CCL20: variants seen among roughly 807,000 people sequenced by gnomAD.
The protein encoded by CCL20 is C-C motif chemokine 20.
CCL20 carries 8 observed loss-of-function variants against 10.8 expected under a neutral mutation model. That is an observed-to-expected ratio of 0.74 (90% CI 0.44 to 1.34). CCL20 has a LOEUF of 1.34. Ranked by LOEUF, CCL20 falls within the 40% of genes most tolerant of loss-of-function variation. CCL20 has a pLI of 0.01. For synonymous variants in CCL20, 40 were observed against 39.4 expected (o/e 1.02, Z -0.06); for missense variants, 107 against 117.9 (o/e 0.91, Z 0.43).
chr2:227,817,316 G>A lies in CCL20; in HGVS notation c.*233G>A. 3.1e-6 allele frequency: 1 copy of A among 321,216 alleles called. No homozygotes were observed. The highest frequency in any genetic ancestry group is 5.7e-6 in the Non-Finnish European group (1 of 175,150). The allele number at this position is 321,216 out of a possible 1,614,324, so 19.9% of individuals were successfully genotyped here. ...TGTTATTTATAGCTGTAGGTTTTCT[G>A]TGTTTAGCTATTTAATACTAATTTT... On this transcript the variant is annotated 3_prime_UTR_variant, in exon 4 of 4. Transcript: ENST00000358813.
Position 227,817,391 on chromosome 2 carries a change from G to A in CCL20, c.*308G>A, listed in dbSNP as rs1213900800. ...AAAGTATAAAATTATATTTGGGGGG[G>A]AATAAGATTATATGGACTTTCTTGC... is the stretch of plus-strand genomic sequence containing the variant. On this transcript the variant is annotated 3_prime_UTR_variant, in exon 4 of 4. Coordinates refer to ENST00000358813, the MANE Select transcript of CCL20 (RefSeq NM_004591.3). The A allele has an allele frequency of 1.0e-5, 2 of 198,682 alleles. No individual in the cohort carries two copies. Among genetic ancestry groups the A allele is most frequent in the Admixed American group, 6.0e-5 (1 of 16,670 alleles). 12.3% of individuals were successfully genotyped at this position (198,682 alleles called of 1,614,324 possible).
chr2:227,816,921 A>G (rs1690032774), intron 3 of CCL20, 141 bp from the exon 4 acceptor site: 1 of 675,574 alleles, frequency 1.5e-6, no homozygotes, highest in Non-Finnish European at 2.7e-6. Flanking sequence ...CTAAACCTCA[A>G]TTTCCTCATC....
chr2:227,815,664 T>G (rs988092139), intron 2 of CCL20, 96 bp downstream of exon 2: 2 of 674,930 alleles, frequency 3.0e-6, no homozygotes, highest in Non-Finnish European at 2.6e-6. Flanking sequence ...ATTCAGAAAT[T>G]ACTGATGTTT....
At chr2:227,814,956 T>A (rs145333552) in intron 1 of CCL20, among the ~76,000 whole-genome samples, 7 of 152,256 alleles carry the variant, frequency 4.6e-5, no homozygotes, top group African/African-American at 1.4e-4. Flanking sequence ...TTCAAAGTGT[T>A]TTCACTCCTA....
chr2:227,816,773 C>T (rs747048016), intron 3 of CCL20, among the ~76,000 whole-genome samples: 2 of 152,184 alleles, frequency 1.3e-5, no homozygotes, highest in Non-Finnish European at 2.9e-5. Flanking sequence ...CAATAATAGA[C>T]AGTAACACTT....
chr2:227,813,926 G>C lies in CCL20; in HGVS notation c.15G>C (p.Lys5Asn), dbSNP rs1019904089. The C allele has an allele frequency of 2.5e-6, 4 of 1,613,970 alleles. No individual in the cohort carries two copies. The highest frequency in any genetic ancestry group is 3.3e-5 in the Admixed American group (2 of 60,010). ...AGCTAAAAACCATGTGCTGTACCAA[G>C]AGTTTGCTCCTGGCTGCTTTGATGT... Reference protein sequence around the residue: MCCTKSLLLAALMSV... With the variant: MCCTNSLLLAALMSV... Residue 5 changes from lysine to asparagine, a missense_variant, in exon 1 of 4, where the codon AAG becomes AAC. Coordinates refer to ENST00000358813, the MANE Select transcript of CCL20 (RefSeq NM_004591.3).
Position 227,814,033 on chromosome 2 carries a change from T to C in CCL20, c.76+46T>C, listed in dbSNP as rs183335022. The stretch of plus-strand genomic sequence containing the variant: ...TAGCACAGAAGAAAGACTATTTTCA[T>C]TTTCCTTTTAGCCTTGAGCTCAACT... On this transcript the variant is annotated intron_variant, in intron 1 of 3. Transcript: ENST00000358813. The C allele has an allele frequency of 7.1e-6, 11 of 1,546,686 alleles. No homozygotes were observed. The East Asian group carries it at 2.0e-4, about 28-fold the overall frequency.
At chr2:227,814,050 A>G in intron 1 of CCL20, 63 bp downstream of exon 1, 2 of 1,417,942 alleles carry the variant, frequency 1.4e-6, no homozygotes, top group Non-Finnish European at 2.0e-6. Context: ...TTTAGCCTTG[A>G]GCTCAACTGG....
intron 1 of CCL20, among the ~76,000 whole-genome samples, chr2:227,814,902 T>C (rs1017284424): frequency 1.3e-5 from 2 of 152,160 alleles, no homozygotes; most frequent in African/African-American, 2.4e-5. Context: ...CATGTTGAAC[T>C]TTTATGAACA....
chr2:227,814,026 A>G, intron 1 of CCL20, 39 bp downstream of exon 1: 4 of 1,556,214 alleles, frequency 2.6e-6, no homozygotes, highest in South Asian at 1.1e-5. Flanking sequence ...AAGAAAGACT[A>G]TTTTCATTTT....
chr2:227,814,027 T>C, intron 1 of CCL20, 40 bp downstream of exon 1: 1 of 1,558,950 alleles, frequency 6.4e-7, no homozygotes, highest in Non-Finnish European at 8.8e-7. Flanking sequence ...AGAAAGACTA[T>C]TTTCATTTTC....
chr2:227,816,516 A>T (rs996926914), intron 3 of CCL20, 132 bp downstream of exon 3: 5 of 486,190 alleles, frequency 1.0e-5, no homozygotes, highest in African/African-American at 1.0e-4. Context: ...TTTGAGTTGG[A>T]CCACAAAAAC....
At chr2:227,814,110 T>C in intron 1 of CCL20, 123 bp downstream of exon 1, 1 of 830,946 alleles carries the variant, frequency 1.2e-6, no homozygotes, top group Admixed American at 1.9e-5. Context: ...GAGGTAGTGA[T>C]GGAAGTTGTC....
chr2:227,816,123 AAGAG>A (rs888020500), intron 2 of CCL20, 180 bp from the exon 3 acceptor site: 2 of 552,660 alleles, frequency 3.6e-6, no homozygotes, highest in Admixed American at 3.3e-5. Context: ...ATTGCAGAGA[AAGAG>A]AGAATCACTT....
intron 2 of CCL20, chr2:227,815,947 T>A: frequency 4.1e-6 from 1 of 241,682 alleles, no homozygotes; most frequent in African/African-American, 2.3e-5. Flanking sequence ...AATCTCAGAC[T>A]AATTATACTA....
intron 2 of CCL20, 24 bp from the exon 3 acceptor site, chr2:227,816,283 A>C: frequency 6.7e-7 from 1 of 1,496,524 alleles, no homozygotes; most frequent in Non-Finnish European, 9.3e-7. Flanking sequence ...CATTAAACAC[A>C]AATCAAATTT....
intron 3 of CCL20, 85 bp downstream of exon 3, chr2:227,816,469 CT>C: frequency 1.5e-6 from 1 of 671,628 alleles, no homozygotes; most frequent in Non-Finnish European, 2.5e-6. Context: ...TTCTGGGATT[CT>C]TTAGTTTAAC....
Position 227,816,154 on chromosome 2 carries a change from T to C in CCL20, c.192-153T>C, listed in dbSNP as rs16823980. 4.0e-4 allele frequency among the ~76,000 whole-genome samples: 61 copies of C among 152,314 alleles called. No homozygotes were observed. The East Asian group carries it at 9.2e-3, about 23-fold the overall frequency. ...GAATCACTTTGATTTTGCATTAATC[T>C]TCATCAGAAGCATTTTTTGTGCATT... On this transcript the variant is annotated intron_variant, in intron 2 of 3. Transcript: ENST00000358813.
chr2:227,815,486 A>G lies in CCL20; in HGVS notation c.109A>G (p.Thr37Ala), dbSNP rs1019152726. 6.8e-6 allele frequency: 11 copies of G among 1,609,216 alleles called. No individual in the cohort carries two copies. Among genetic ancestry groups the G allele is most frequent in the Non-Finnish European group, 9.3e-6 (11 of 1,178,506 alleles). ...ASNFDCCLGY[T>A]DRILHPKFIV... is the part of the protein sequence containing the mutation. ...CAACTTTGACTGCTGTCTTGGATAC[A>G]CAGACCGTATTCTTCATCCTAAATT... The change falls in exon 2 of 4, where the codon ACA becomes GCA. Residue 37 changes from threonine (T) to alanine (A), a missense_variant. Physicochemically the swap from Thr to Ala is moderately conservative, Grantham distance 58. Coordinates refer to ENST00000358813, the MANE Select transcript of CCL20 (RefSeq NM_004591.3).
Sources: allele counts gnomAD v4.1 joint callset (sites outside exome capture counted in the v4.1 genomes callset), GRCh38; gene constraint gnomAD v4.1.1; transcripts MANE v1.5; gene names NCBI Gene and HGNC (gene_info 2026-07-23, HGNC 2026-07-21).